Variants in TDRD9 observed in about 807,000 individuals in gnomAD.
The protein encoded by TDRD9 is tudor domain containing 9, also known as ATP-dependent RNA helicase TDRD9.
Under a neutral mutation model 172.6 loss-of-function variants are expected in TDRD9, and 124 were observed. The ratio of observed to expected loss-of-function variants is 0.72; its 90% CI spans 0.62 to 0.83. The LOEUF is 0.83. Among genes scored for constraint, TDRD9 ranks in the 40% least tolerant of loss-of-function variants. The probability of loss-of-function intolerance (pLI) is 0.00; values close to 1 mark genes in which losing one functional copy is unlikely to be tolerated. For synonymous variants in TDRD9, 619 were observed against 617.1 expected, an observed-to-expected ratio of 1.00 and a Z score of -0.05; for missense variants, 1,479 against 1,714.1, an observed-to-expected ratio of 0.86 and a Z score of 2.42.
intron 1 of TDRD9, 109 bp from the exon 2 acceptor site, chr14:103,955,555 A>G (rs1450751164): frequency 7.4e-6 from 5 of 677,824 alleles, no homozygotes; most frequent in Non-Finnish European, 9.6e-6. Flanking sequence ...TCATTTGTTT[A>G]TTGACTATTT....
Position 104,005,286 on chromosome 14 carries a change from G to A in TDRD9, c.1594G>A (p.Gly532Arg), listed in dbSNP as rs1161577728. 6.2e-7 allele frequency: 1 copy of A among 1,613,734 alleles called. No individual in the cohort carries two copies. Among genetic ancestry groups the A allele is most frequent in the African/African-American group, 1.3e-5 (1 of 74,880 alleles). ...TGTTTCTTTTCAGCGTTGTCCATTA[G>A]GAAGCACGATCTTGAAAGTGAAATT... ...VVPEMLRCPL[G>R]STILKVKLLD... The change falls in exon 15 of 36, where the codon GGA becomes AGA. Residue 532 changes from glycine to arginine, a missense_variant. Gly to Arg is a moderately radical substitution (Grantham distance 125, BLOSUM62 -2). Transcript: ENST00000409874.
chr14:104,014,967 A>C (rs1442856343), intron 21 of TDRD9, 126 bp downstream of exon 21: 1 of 551,258 alleles, frequency 1.8e-6, no homozygotes, highest in Non-Finnish European at 3.2e-6. Flanking sequence ...TTAGGTCCAT[A>C]GTGTTCATAC....
Position 104,025,591 on chromosome 14 carries a change from T to G in TDRD9, c.2746T>G (p.Tyr916Asp). ...GGTTGAAGTGGGACACTTTTGGGGATACAGGATTGATGAAAACAACTCAGA... is the reference window on the plus strand; with the variant it reads ...GGTTGAAGTGGGACACTTTTGGGGAGACAGGATTGATGAAAACAACTCAGA... ...EVVEVGHFWG[Y>D]RIDENNSEIL... Residue 916 changes from tyrosine (Y) to aspartate (D), a missense_variant, in exon 26 of 36, where the codon TAC (tyrosine) becomes GAC (aspartate). Coordinates refer to ENST00000409874, the MANE Select transcript of TDRD9 (RefSeq NM_153046.3). 6.2e-7 allele frequency: 1 copy of G among 1,613,998 alleles called. No homozygotes were observed. The highest frequency in any genetic ancestry group is 8.5e-7 in the Non-Finnish European group (1 of 1,179,880).
At chr14:103,951,915 C>A (rs112563511) in intron 1 of TDRD9, among the ~76,000 whole-genome samples, 1 of 151,316 alleles carries the variant, frequency 6.6e-6, no homozygotes, top group Non-Finnish European at 1.5e-5. Flanking sequence ...CACAGGCGCC[C>A]GCCACCATGC....
At chr14:104,042,706 G>A (rs2035644995) in intron 34 of TDRD9, among the ~76,000 whole-genome samples, 1 of 152,190 alleles carries the variant, frequency 6.6e-6, no homozygotes, top group African/African-American at 2.4e-5. Context: ...GCCAAGAAGA[G>A]TGGGAGTGGT....
At chr14:104,048,454 T>C (rs180896386) in intron 34 of TDRD9, among the ~76,000 whole-genome samples, 1 of 152,188 alleles carries the variant, frequency 6.6e-6, no homozygotes, top group Non-Finnish European at 1.5e-5. Context: ...GCTTCCTAGG[T>C]GTTGTCCTTG....
chr14:103,958,364 A>T (rs995642113), intron 2 of TDRD9, among the ~76,000 whole-genome samples: 3 of 151,378 alleles, frequency 2.0e-5, no homozygotes, highest in African/African-American at 7.3e-5. Context: ...GCCCTGAAAG[A>T]GGGGCCAGTG....
At chr14:104,027,843 T>G (rs1410914802) in intron 28 of TDRD9, among the ~76,000 whole-genome samples, 1 of 152,178 alleles carries the variant, frequency 6.6e-6, no homozygotes, top group African/African-American at 2.4e-5. Context: ...CTTCTCTCTA[T>G]TCTCCCCTTC....
In TDRD9 at chr14:104,026,076, T is replaced by TA; in HGVS notation, c.2961_2962insA (p.His988ThrfsTer16). On this transcript the variant is annotated frameshift_variant, in exon 27 of 36. Coordinates refer to ENST00000409874, the MANE Select transcript of TDRD9 (RefSeq NM_153046.3). LOFTEE classifies it high-confidence loss of function. Reference sequence around the variant, plus strand: ...TCTTTGTAGATTATGGCAATAAGTCTCATGTAGATCTACATCTTTTGATGG... The same window carrying TA: ...TCTTTGTAGATTATGGCAATAAGTCTACATGTAGATCTACATCTTTTGATGG... The TA allele has an allele frequency of 6.2e-7, 1 of 1,611,344 alleles. No individual in the cohort carries two copies. Among genetic ancestry groups the TA allele is most frequent in the Non-Finnish European group, 8.5e-7 (1 of 1,177,498 alleles).
chr14:103,940,052 T>C (rs1014950550), intron 1 of TDRD9, among the ~76,000 whole-genome samples: 1 of 152,162 alleles, frequency 6.6e-6, no homozygotes, highest in Non-Finnish European at 1.5e-5. Context: ...ATCTGACTAA[T>C]GTATAATTTC....
chr14:104,005,077 AT>A (rs2034391786), intron 14 of TDRD9, 196 bp from the exon 15 acceptor site: 1 of 380,368 alleles, frequency 2.6e-6, no homozygotes, highest in Non-Finnish European at 4.4e-6. Flanking sequence ...CCATCTTTTT[AT>A]TTTTCCATCT....
At chr14:104,039,456 G>A (rs2035547320) in intron 32 of TDRD9, among the ~76,000 whole-genome samples, 2 of 152,238 alleles carry the variant, frequency 1.3e-5, no homozygotes, top group East Asian at 1.9e-4. Context: ...TTCACAGTGT[G>A]GTTGGAAACT....
chr14:103,957,168 C>G (rs79164905), intron 2 of TDRD9, among the ~76,000 whole-genome samples: 3,528 of 152,282 alleles, frequency 0.023, 78 homozygotes, highest in East Asian at 0.071. Context: ...ATGGCCCACT[C>G]TTTCATTTAG....
At chr14:103,977,987 A>G (rs1419993096) in intron 7 of TDRD9, among the ~76,000 whole-genome samples, 1 of 151,876 alleles carries the variant, frequency 6.6e-6, no homozygotes, top group East Asian at 1.9e-4. Context: ...TAAATATGTT[A>G]TTTTATTTCT....
At chr14:104,022,422 A>T in intron 24 of TDRD9, 92 bp downstream of exon 24, 2 of 1,352,416 alleles carry the variant, frequency 1.5e-6, no homozygotes, top group Non-Finnish European at 2.0e-6. Context: ...GCATTGCTTC[A>T]GATCATGGTA....
intron 30 of TDRD9, 76 bp downstream of exon 30, chr14:104,032,163 A>AT (rs1318541329): frequency 2.6e-5 from 22 of 858,886 alleles, no homozygotes; most frequent in Non-Finnish European, 3.8e-5. Flanking sequence ...AAAATAATGT[A>AT]TCTTTATATC....
chr14:104,025,305 C>A (rs569544497), intron 25 of TDRD9, among the ~76,000 whole-genome samples: 83 of 152,248 alleles, frequency 5.5e-4, no homozygotes, highest in African/African-American at 1.9e-3. Context: ...GACCTCAGAA[C>A]CTTTATTTAT....
chr14:104,006,618 A>G (rs2152219084), intron 16 of TDRD9, 28 bp from the exon 17 acceptor site: 5 of 1,613,384 alleles, frequency 3.1e-6, no homozygotes, highest in South Asian at 2.2e-5. Flanking sequence ...ACAATCTTAC[A>G]TTCTTCTTGT....
At chr14:104,048,083 T>C (rs1326517437) in intron 34 of TDRD9, among the ~76,000 whole-genome samples, 3 of 152,166 alleles carry the variant, frequency 2.0e-5, no homozygotes, top group Admixed American at 6.5e-5. Flanking sequence ...TTGGGTACTT[T>C]AGATAATGTA....
Sources: gnomAD v4.1 joint callset for allele counts (sites outside exome capture counted in the v4.1 genomes callset) on GRCh38, gnomAD v4.1.1 for gene constraint, MANE v1.5 for transcripts, NCBI Gene and HGNC (gene_info 2026-07-23, HGNC 2026-07-21) for gene names.